Variants in TTK observed in about 807,000 individuals in gnomAD.
The protein encoded by TTK is TTK protein kinase.
In TTK, 59 loss-of-function variants were observed where a neutral mutation model predicts 117.3. That is an observed-to-expected ratio of 0.50 (90% CI 0.41 to 0.62). The LOEUF is 0.62. Among genes scored for constraint, TTK ranks in the 20% least tolerant of loss-of-function variants. The pLI, the probability that TTK is intolerant of heterozygous loss-of-function variation, is 0.00. For synonymous variants in TTK, 302 were observed against 325.0 expected (o/e 0.93, Z 0.76); for missense variants, 921 against 989.4 (o/e 0.93, Z 0.93).
chr6:80,036,770 A>G (rs1392308718), intron 17 of TTK, among the ~76,000 whole-genome samples, 171 bp downstream of exon 17: 1 of 152,158 alleles, frequency 6.6e-6, no homozygotes, highest in African/African-American at 2.4e-5. Context: ...GTAATGTAGA[A>G]TAGAAAGTCA....
chr6:80,020,852 A>G (rs239575), intron 10 of TTK, among the ~76,000 whole-genome samples: 97,899 of 152,056 alleles, frequency 0.64, 31,907 homozygotes, highest in Admixed American at 0.74. Context: ...CACCCTTGGA[A>G]AGAGGGATAA....
chr6:80,015,790 AT>A (rs1438271852), intron 10 of TTK, among the ~76,000 whole-genome samples: 5 of 152,186 alleles, frequency 3.3e-5, no homozygotes, highest in African/African-American at 9.7e-5. Flanking sequence ...TATTAATATA[AT>A]AAAGCATATA....
At chr6:80,028,120 C>T (rs908149981) in intron 13 of TTK, 109 bp downstream of exon 13, 2 of 1,213,512 alleles carry the variant, frequency 1.6e-6, no homozygotes, top group South Asian at 2.3e-5. Flanking sequence ...CTTGGCCATT[C>T]TTATTTCCAC....
intron 10 of TTK, among the ~76,000 whole-genome samples, chr6:80,017,957 A>G (rs1767354489): frequency 6.6e-6 from 1 of 152,066 alleles, no homozygotes; most frequent in African/African-American, 2.4e-5. Context: ...ATGCTGTGAT[A>G]GTGAATGGTA....
intron 17 of TTK, chr6:80,037,723 C>T: frequency 5.4e-6 from 1 of 185,308 alleles, no homozygotes; most frequent in Non-Finnish European, 1.1e-5. Flanking sequence ...ACTCGTTTTG[C>T]TGCAGTTGTG....
At chr6:80,022,941 A>T (rs929024344) in intron 11 of TTK, among the ~76,000 whole-genome samples, 4 of 152,228 alleles carry the variant, frequency 2.6e-5, no homozygotes, top group Admixed American at 2.6e-4. Flanking sequence ...AGCACTTAAC[A>T]GTTTCCTGTG....
chr6:80,027,500 G>A (rs1378144674), intron 12 of TTK, among the ~76,000 whole-genome samples: 1 of 152,068 alleles, frequency 6.6e-6, no homozygotes, highest in Non-Finnish European at 1.5e-5. Flanking sequence ...AAACTCCTGT[G>A]ATGTAATTGG....
At position 80,042,190 on chromosome 6, in the gene TTK, G is replaced by T; in HGVS notation, c.2562G>T (p.Arg854Ser). The T allele has an allele frequency of 6.3e-7, 1 of 1,596,182 alleles. No individual in the cohort carries two copies. Among genetic ancestry groups the T allele is most frequent in the Non-Finnish European group, 8.6e-7 (1 of 1,168,800 alleles). Reference protein sequence around the residue: ...SSSSKTFEKKRGKK With the variant: ...SSSSKTFEKKSGKK Reference sequence around the variant, plus strand: ...CCTCCAAGACTTTTGAAAAAAAAAGGGGAAAAAAATGATTTGCAGTTATTC... The same window carrying T: ...CCTCCAAGACTTTTGAAAAAAAAAGTGGAAAAAAATGATTTGCAGTTATTC... Residue 854 changes from arginine to serine, a missense_variant, in exon 22 of 22, where the codon AGG becomes AGT. Arg to Ser is a moderately radical substitution (Grantham distance 110). Transcript: ENST00000369798.
In TTK at chr6:80,025,162, A is replaced by G. The variant is rs144503599; in HGVS notation, c.1258-1216A>G. ...GACCTCCAAAATCGCAGATGCTAAC[A>G]TTCCACTCTATGATCGTGATCTTTT... is the stretch of plus-strand genomic sequence containing the variant. On this transcript the variant is annotated intron_variant, in intron 11 of 21. Transcript: ENST00000369798. Among the ~76,000 whole-genome samples the G allele has an allele frequency of 2.4e-3, 371 of 152,308 alleles. 3 individuals are homozygous for G. Among genetic ancestry groups the G allele is most frequent in the Non-Finnish European group, 4.6e-3 (312 of 68,026 alleles).
intron 17 of TTK, 143 bp downstream of exon 17, chr6:80,036,742 A>C: frequency 1.1e-6 from 1 of 919,580 alleles, no homozygotes; most frequent in Non-Finnish European, 1.5e-6. Flanking sequence ...AGATTTAAAA[A>C]TATAAACCAT....
At chr6:80,023,112 C>A (rs1767507673) in intron 11 of TTK, among the ~76,000 whole-genome samples, 1 of 152,152 alleles carries the variant, frequency 6.6e-6, no homozygotes, top group South Asian at 2.1e-4. Flanking sequence ...CTTACCATTT[C>A]TTTTCAGTGA....
At chr6:80,021,914 T>G (rs1264698405) in intron 10 of TTK, among the ~76,000 whole-genome samples, 3 of 152,178 alleles carry the variant, frequency 2.0e-5, no homozygotes, top group Non-Finnish European at 4.4e-5. Context: ...CAAAGTATGC[T>G]TCCAGGCTGA....
chr6:80,005,203 T>TTTG (rs143366737), intron 1 of TTK, among the ~76,000 whole-genome samples: 4,001 of 152,238 alleles, frequency 0.026, 164 homozygotes, highest in African/African-American at 0.089. Context: ...AAAGATACGA[T>TTTG]TAACAATAAG....
At position 80,008,032 on chromosome 6, in the gene TTK, G is replaced by C; in HGVS notation, c.362+1G>C. 2 of 1,612,642 alleles carry C rather than the reference G, an allele frequency of 1.2e-6. No homozygotes were observed. The highest frequency in any genetic ancestry group is 1.7e-6 in the Non-Finnish European group (2 of 1,179,234). ...AAGTGAGATTTGCTGAATTAAAAGC[G>C]TAAGTATTAGCATTTTAACTATGTT... is the stretch of plus-strand genomic sequence containing the variant. On this transcript the variant is annotated splice_donor_variant, in intron 3 of 21. Transcript: ENST00000369798. LOFTEE classifies it high-confidence loss of function.
In TTK at chr6:80,027,910, G is replaced by A. The variant is rs1447124383; in HGVS notation, c.1420G>A (p.Asp474Asn). Reference protein sequence around the residue: ...SCFRTPVVKNDFPPACQLSTP... With the variant: ...SCFRTPVVKNNFPPACQLSTP... ...TTTTAGAACTCCAGTTGTAAAGAAT[G>A]ACTTTCCACCTGCTTGTCAGTTGTC... is the stretch of plus-strand genomic sequence containing the variant. The change falls in exon 13 of 22, where the codon GAC (aspartate) becomes AAC (asparagine). Residue 474 changes from aspartate to asparagine, a missense_variant. Physicochemically the swap from Asp to Asn is conservative, Grantham distance 23 (BLOSUM62 1). Coordinates refer to ENST00000369798, the MANE Select transcript of TTK (RefSeq NM_003318.5). The A allele has an allele frequency of 1.9e-6, 3 of 1,603,562 alleles. No homozygotes were observed. In the Admixed American group the frequency reaches 5.1e-5, roughly 27 times the overall value.
chr6:80,017,452 G>GT (rs1767338017), intron 10 of TTK, among the ~76,000 whole-genome samples: 2 of 151,808 alleles, frequency 1.3e-5, no homozygotes, highest in African/African-American at 2.4e-5. Context: ...CTAATTTTTA[G>GT]TTTTTTTGTA....
chr6:80,012,414 G>C (rs1012065259), intron 8 of TTK, among the ~76,000 whole-genome samples: 6 of 151,972 alleles, frequency 3.9e-5, no homozygotes, highest in Non-Finnish European at 8.8e-5. Flanking sequence ...CTTGAGTCTA[G>C]TGCTTCAAGA....
At chr6:80,040,885 T>G (rs1304273557) in intron 21 of TTK, among the ~76,000 whole-genome samples, 182 bp downstream of exon 21, 1 of 151,874 alleles carries the variant, frequency 6.6e-6, no homozygotes, top group African/African-American at 2.4e-5. Context: ...ATTTATATTC[T>G]TCTTCTGCAT....
chr6:80,007,062 T>C (rs1767011864), intron 2 of TTK, among the ~76,000 whole-genome samples: 1 of 152,156 alleles, frequency 6.6e-6, no homozygotes, highest in Non-Finnish European at 1.5e-5. Context: ...AAGTAAAAAG[T>C]ACATTTCAGT....
Sources: allele counts gnomAD v4.1 joint callset (sites outside exome capture counted in the v4.1 genomes callset), GRCh38; gene constraint gnomAD v4.1.1; transcripts MANE v1.5; gene names NCBI Gene and HGNC (gene_info 2026-07-23, HGNC 2026-07-21).